SEMA6D: variants seen among roughly 807,000 people sequenced by gnomAD.
SEMA6D encodes the protein semaphorin-6D.
In SEMA6D, 35 loss-of-function variants were observed where a neutral mutation model predicts 106.6. The observed-to-expected ratio is 0.33, with a 90% CI of 0.25 to 0.44. The LOEUF (loss-of-function observed/expected upper bound fraction) is 0.44, where lower values mean the gene tolerates loss of function less well. Ranked by LOEUF, SEMA6D falls within the 20% of genes least tolerant of loss-of-function variation. The probability of loss-of-function intolerance (pLI) is 1.00; values close to 1 mark genes in which losing one functional copy is unlikely to be tolerated. For missense variants in SEMA6D, 1,185 were observed against 1,345.9 expected (o/e 0.88, Z 1.87); for synonymous variants, 499 against 487.7 (o/e 1.02, Z -0.31).
In SEMA6D at chr15:47,731,085, C is replaced by A. The variant is rs2080090978; in HGVS notation, c.-55+13393C>A. On this transcript the variant is annotated intron_variant, in intron 1 of 18. Transcript: ENST00000536845. ...AGAGACAGACACACAGATAGTCCAACTTCTCAAATTTATTATTGCCATTTA... is the reference window on the plus strand; with the variant it reads ...AGAGACAGACACACAGATAGTCCAAATTCTCAAATTTATTATTGCCATTTA... The A allele has an allele frequency of 7.5e-6, 4 of 536,138 alleles. No individual in the cohort carries two copies. The East Asian group carries it at 1.1e-4, about 15-fold the overall frequency. The allele number at this position is 536,138 out of a possible 1,614,324, so 33.2% of individuals were successfully genotyped here. A position where few individuals can be genotyped will look rare whatever the true frequency, so the allele number is the denominator to read the frequency against.
chr15:47,405,989 G>A (rs533878488), intron 1 of SEMA6D, among the ~76,000 whole-genome samples: 10 of 152,134 alleles, frequency 6.6e-5, no homozygotes, highest in Non-Finnish European at 1.3e-4. Context: ...TCACTCACGA[G>A]GGCCATATGC....
intron 3 of SEMA6D, among the ~76,000 whole-genome samples, chr15:47,473,846 A>T (rs73388941): frequency 0.11 from 16,640 of 151,566 alleles, 2,680 homozygotes; most frequent in African/African-American, 0.36. Flanking sequence ...TTCCCCTTGG[A>T]CTCTTAAAAC....
intron 1 of SEMA6D, among the ~76,000 whole-genome samples, chr15:47,390,570 T>TC (rs2039993774): frequency 2.7e-5 from 3 of 110,168 alleles, no homozygotes; most frequent in Non-Finnish European, 5.0e-5. Flanking sequence ...CCTCACCGGT[T>TC]TTTTTGTTTG....
At chr15:47,217,678 G>C (rs952661517) in intron 1 of SEMA6D, among the ~76,000 whole-genome samples, 1 of 150,866 alleles carries the variant, frequency 6.6e-6, no homozygotes, top group Non-Finnish European at 1.5e-5. Context: ...GAGATGTTTA[G>C]CTTTCATTTT....
At chr15:47,384,518 T>C (rs2039749229) in intron 1 of SEMA6D, among the ~76,000 whole-genome samples, 1 of 152,230 alleles carries the variant, frequency 6.6e-6, no homozygotes, top group Non-Finnish European at 1.5e-5. Context: ...TTTTCACTAA[T>C]CTGTGCAATG....
At chr15:47,236,452 A>C (rs914611750) in intron 1 of SEMA6D, among the ~76,000 whole-genome samples, 2 of 152,160 alleles carry the variant, frequency 1.3e-5, no homozygotes, top group African/African-American at 4.8e-5. Flanking sequence ...CAATATCAGT[A>C]ATAATGCAAT....
rs538246845 is a variant in SEMA6D at position 47,690,491 on chromosome 15, G to A, written c.-54-69254G>A. Among the ~76,000 whole-genome samples the A allele has an allele frequency of 2.0e-5, 3 of 152,210 alleles. No homozygotes were observed. In the South Asian group the frequency reaches 6.2e-4, roughly 32 times the overall value. On this transcript the variant is annotated intron_variant, in intron 4 of 19. Coordinates refer to the SEMA6D transcript ENST00000558014. ...CCAATAATGCATTTACAAATGAGGG[G>A]TCCAAAAATTGTCTGTTTCCCTTCA... is the stretch of plus-strand genomic sequence containing the variant.
intron 1 of SEMA6D, among the ~76,000 whole-genome samples, chr15:47,313,762 C>T (rs1484172692): frequency 1.3e-5 from 2 of 152,138 alleles, no homozygotes; most frequent in African/African-American, 4.8e-5. Flanking sequence ...GACAGTGCTG[C>T]TGTGTTGTGC....
chr15:47,263,011 C>T (rs1221443200), intron 1 of SEMA6D, among the ~76,000 whole-genome samples: 1 of 57,056 alleles, frequency 1.8e-5, no homozygotes, highest in African/African-American at 3.2e-5. Context: ...AAGATTAAAA[C>T]TGGACCCCCT....
chr15:47,741,535 G>T (rs2080815334), intron 1 of SEMA6D, among the ~76,000 whole-genome samples: 1 of 152,152 alleles, frequency 6.6e-6, no homozygotes, highest in African/African-American at 2.4e-5. Flanking sequence ...TGACCAACGT[G>T]GAGAAACCTC....
At chr15:47,290,618 A>G (rs1325536293) in intron 1 of SEMA6D, among the ~76,000 whole-genome samples, 1 of 15,864 alleles carries the variant, frequency 6.3e-5, no homozygotes, top group Non-Finnish European at 1.5e-4. Context: ...CAATTTAATT[A>G]TATATATATA....
intron 3 of SEMA6D, among the ~76,000 whole-genome samples, chr15:47,532,112 C>A (rs573965655): frequency 3.0e-4 from 45 of 152,232 alleles, no homozygotes; most frequent in African/African-American, 1.0e-3. Flanking sequence ...CATTCTCAAG[C>A]CTCAATGTAA....
At chr15:47,390,484 G>A (rs1271264033) in intron 1 of SEMA6D, among the ~76,000 whole-genome samples, 4 of 152,076 alleles carry the variant, frequency 2.6e-5, no homozygotes, top group Non-Finnish European at 5.9e-5. Flanking sequence ...TAGGAAAGAG[G>A]GAGTGAATAT....
At chr15:47,326,801 A>T (rs553167019) in intron 1 of SEMA6D, among the ~76,000 whole-genome samples, 46 of 152,130 alleles carry the variant, frequency 3.0e-4, no homozygotes, top group Non-Finnish European at 4.9e-4. Context: ...CCCATGCCAG[A>T]TTCTGTTTGC....
chr15:47,645,170 G>A (rs191178031), intron 4 of SEMA6D, among the ~76,000 whole-genome samples: 1 of 152,288 alleles, frequency 6.6e-6, no homozygotes, highest in East Asian at 1.9e-4. Context: ...TCCACAGAGG[G>A]ATAAAGGAAG....
In SEMA6D at chr15:47,264,440, A is replaced by G. The variant is rs75139417; in HGVS notation, c.-239+80022A>G. Among the ~76,000 whole-genome samples the G allele has an allele frequency of 6.8e-3, 1,038 of 152,080 alleles. 13 individuals carry two copies. Among genetic ancestry groups the G allele is most frequent in the African/African-American group, 0.024 (990 of 41,518 alleles). On this transcript the variant is annotated intron_variant, in intron 1 of 19. Transcript: ENST00000558014. ...TAATTGAATTGCTGGGTTATATGCT[A>G]ACTTCATGTTTAATCATTGCAGAAG...
Position 47,404,737 on chromosome 15 carries a change from G to A in SEMA6D, c.-238-7656G>A, listed in dbSNP as rs145041797. 5.3e-5 allele frequency among the ~76,000 whole-genome samples: 8 copies of A among 152,264 alleles called. No homozygotes were observed. The East Asian group carries it at 7.7e-4, about 15-fold the overall frequency. ...GCTCACATGCTATTTTGCTAAAAGCGTGTGGGAGAGAAATTAGTGAGTAAT... is the reference window on the plus strand; with the variant it reads ...GCTCACATGCTATTTTGCTAAAAGCATGTGGGAGAGAAATTAGTGAGTAAT... On this transcript the variant is annotated intron_variant, in intron 1 of 19. Coordinates refer to the SEMA6D transcript ENST00000558014.
intron 3 of SEMA6D, among the ~76,000 whole-genome samples, chr15:47,470,799 G>GA (rs909964784): frequency 2.6e-5 from 4 of 151,926 alleles, no homozygotes. Context: ...TGCCAATTTA[G>GA]AAAAAAATAT....
At chr15:47,413,813 C>T (rs1378919049) in intron 2 of SEMA6D, among the ~76,000 whole-genome samples, 1 of 152,072 alleles carries the variant, frequency 6.6e-6, no homozygotes, top group East Asian at 1.9e-4. Context: ...TTTCTTAGTC[C>T]CCATTTTCAT....
Sources: allele counts gnomAD v4.1 joint callset (sites outside exome capture counted in the v4.1 genomes callset), GRCh38; gene constraint gnomAD v4.1.1; transcripts MANE v1.5; gene names NCBI Gene and HGNC (gene_info 2026-07-23, HGNC 2026-07-21).